Variants in SLC14A2 observed in about 807,000 individuals in gnomAD.
SLC14A2 encodes the protein urea transporter 2.
SLC14A2 carries 91 observed loss-of-function variants against 104.6 expected under a neutral mutation model. The observed-to-expected ratio is 0.87, with a 90% CI of 0.73 to 1.04. The LOEUF is 1.04. SLC14A2 is among the 50% of genes least tolerant of loss of function. The pLI is 0.00. For synonymous variants in SLC14A2, 476 were observed against 466.4 expected (o/e 1.02, Z -0.27); for missense variants, 1,189 against 1,156.0 (o/e 1.03, Z -0.41).
the SLC14A2 span, among the ~76,000 whole-genome samples, chr18:45,171,088 G>A: frequency 6.6e-6 from 1 of 152,124 alleles, no homozygotes; most frequent in Non-Finnish European, 1.5e-5. Context: ...GTCAAAGATA[G>A]GGTTGTTAGA....
intron 1 of SLC14A2, among the ~76,000 whole-genome samples, chr18:45,303,249 G>A (rs768378978): frequency 3.9e-5 from 6 of 152,262 alleles, no homozygotes; most frequent in Admixed American, 2.6e-4. Flanking sequence ...ACCAGCTGGC[G>A]TTTGCCTTAT....
chr18:45,221,012 C>T (rs1234752377), intron 1 of SLC14A2, among the ~76,000 whole-genome samples: 1 of 152,190 alleles, frequency 6.6e-6, no homozygotes, highest in East Asian at 1.9e-4. Context: ...TAGGGACCAT[C>T]ACAAGAGTCT....
chr18:45,485,917 G>A (rs1205934657), intron 2 of SLC14A2, among the ~76,000 whole-genome samples: 3 of 152,098 alleles, frequency 2.0e-5, no homozygotes, highest in Non-Finnish European at 4.4e-5. Flanking sequence ...ACCTGCTGTT[G>A]GCTGCTGTGA....
intron 1 of SLC14A2, among the ~76,000 whole-genome samples, chr18:45,229,158 A>G (rs2084149714): frequency 6.6e-6 from 1 of 152,166 alleles, no homozygotes; most frequent in Admixed American, 6.5e-5. Context: ...ACGTTCAAGG[A>G]CACATGACTC....
the SLC14A2 span, among the ~76,000 whole-genome samples, chr18:45,195,345 GA>G: frequency 6.6e-6 from 1 of 152,202 alleles, no homozygotes; most frequent in African/African-American, 2.4e-5. Context: ...TTACCAGTTA[GA>G]AGATTGCTAA....
intron 1 of SLC14A2, among the ~76,000 whole-genome samples, chr18:45,462,290 T>C (rs2087059637): frequency 6.6e-6 from 1 of 152,204 alleles, no homozygotes; most frequent in Admixed American, 6.5e-5. Context: ...AAAACCTCAG[T>C]ACAAAAGGCA....
At chr18:45,679,141 T>C (rs547031473) in intron 19 of SLC14A2, 117 bp downstream of exon 19, 60 of 940,874 alleles carry the variant, frequency 6.4e-5, no homozygotes, top group Non-Finnish European at 9.0e-5. Flanking sequence ...TCATCTCCCT[T>C]ATTTCAAGTC....
intron 1 of SLC14A2, among the ~76,000 whole-genome samples, chr18:45,302,734 G>C (rs1599658049): frequency 6.6e-6 from 1 of 152,262 alleles, no homozygotes; most frequent in East Asian, 1.9e-4. Flanking sequence ...TGCACTATGG[G>C]AAATCCAGAA....
intron 1 of SLC14A2, among the ~76,000 whole-genome samples, chr18:45,381,107 G>A (rs781405816): frequency 2.2e-4 from 34 of 152,306 alleles, no homozygotes; most frequent in Non-Finnish European, 4.7e-4. Flanking sequence ...CTCCAAGGAA[G>A]CTGTTCTTGA....
chr18:45,208,078 A>G (rs1041823290), upstream of SLC14A2, among the ~76,000 whole-genome samples: 1 of 152,118 alleles, frequency 6.6e-6, no homozygotes, highest in African/African-American at 2.4e-5. Context: ...CTGCCTTCAC[A>G]TCCATTGAGG....
At chr18:45,454,447 T>C (rs1377433070) in intron 1 of SLC14A2, among the ~76,000 whole-genome samples, 1 of 152,240 alleles carries the variant, frequency 6.6e-6, no homozygotes, top group African/African-American at 2.4e-5. Flanking sequence ...CCTCCCATTC[T>C]GTAGGTTGCC....
At chr18:45,258,109 A>T (rs1361496284) in intron 1 of SLC14A2, among the ~76,000 whole-genome samples, 2 of 152,170 alleles carry the variant, frequency 1.3e-5, no homozygotes, top group Non-Finnish European at 2.9e-5. Flanking sequence ...TGAGCGAGCT[A>T]CAGTTATAAC....
chr18:45,501,695 G>T (rs903714973), intron 2 of SLC14A2, among the ~76,000 whole-genome samples: 1 of 152,198 alleles, frequency 6.6e-6, no homozygotes, highest in African/African-American at 2.4e-5. Context: ...GAATTACCCA[G>T]TCAGAGCAGG....
intron 1 of SLC14A2, among the ~76,000 whole-genome samples, chr18:45,223,437 T>G (rs2084083196): frequency 6.6e-6 from 1 of 152,164 alleles, no homozygotes; most frequent in Admixed American, 6.5e-5. Flanking sequence ...GGAAAAAAAT[T>G]TATTACTTGC....
chr18:45,614,628 C>T (rs6507628), upstream of SLC14A2, among the ~76,000 whole-genome samples: 3 of 152,000 alleles, frequency 2.0e-5, no homozygotes, highest in South Asian at 6.2e-4. Context: ...GACATGGAGT[C>T]AAAGGAGATT....
At chr18:45,241,050 G>A (rs1316499676) in intron 1 of SLC14A2, among the ~76,000 whole-genome samples, 1 of 152,144 alleles carries the variant, frequency 6.6e-6, no homozygotes, top group Non-Finnish European at 1.5e-5. Flanking sequence ...TTAAGTGGAA[G>A]AATAATGAGC....
chr18:45,382,591 T>A (rs1047606694), intron 1 of SLC14A2, among the ~76,000 whole-genome samples: 1 of 152,234 alleles, frequency 6.6e-6, no homozygotes. Flanking sequence ...TCCTGAATTA[T>A]AGAAAAGAAT....
chr18:45,401,588 T>A (rs1032573489), intron 1 of SLC14A2, among the ~76,000 whole-genome samples: 8 of 152,222 alleles, frequency 5.3e-5, no homozygotes, highest in Admixed American at 2.6e-4. Flanking sequence ...TCATTATAAG[T>A]GCAAAAGGAA....
intron 1 of SLC14A2, among the ~76,000 whole-genome samples, chr18:45,215,367 G>T (rs942177524): frequency 6.6e-6 from 1 of 151,952 alleles, no homozygotes; most frequent in African/African-American, 2.4e-5. Context: ...TTTTAAGATT[G>T]TCTTTTGCTT....
Sources: gnomAD v4.1 joint callset for allele counts (sites outside exome capture counted in the v4.1 genomes callset) on GRCh38, gnomAD v4.1.1 for gene constraint, MANE v1.5 for transcripts, NCBI Gene and HGNC (gene_info 2026-07-23, HGNC 2026-07-21) for gene names.